Variants in CTNNA3 observed in about 807,000 individuals in gnomAD.
CTNNA3 encodes catenin alpha-3.
In CTNNA3, 76 loss-of-function variants were observed where a neutral mutation model predicts 95.7. That is an observed-to-expected ratio of 0.79 (90% confidence interval 0.66 to 0.96). The LOEUF (loss-of-function observed/expected upper bound fraction) is 0.96, where lower values mean the gene tolerates loss of function less well. Among genes scored for constraint, CTNNA3 ranks in the 40% least tolerant of loss-of-function variants. The pLI, the probability that CTNNA3 is intolerant of heterozygous loss-of-function variation, is 0.00. For synonymous variants in CTNNA3, 431 were observed against 374.4 expected (o/e 1.15, Z -1.74); for missense variants, 1,191 against 1,089.8 (o/e 1.09, Z -1.31).
chr10:66,840,751 T>G (rs530695851), intron 7 of CTNNA3, among the ~76,000 whole-genome samples: 1 of 152,038 alleles, frequency 6.6e-6, no homozygotes, highest in Admixed American at 6.6e-5. Flanking sequence ...TTAAGATACA[T>G]CTTCAATTTC....
At chr10:66,691,533 G>A (rs1321985703) in intron 9 of CTNNA3, among the ~76,000 whole-genome samples, 1 of 151,956 alleles carries the variant, frequency 6.6e-6, no homozygotes, top group East Asian at 1.9e-4. Flanking sequence ...TGGGGGCAGG[G>A]CACAGACAAA....
chr10:67,509,440 T>C (rs972274685), intron 5 of CTNNA3, among the ~76,000 whole-genome samples: 2 of 152,038 alleles, frequency 1.3e-5, no homozygotes, highest in Non-Finnish European at 1.5e-5. Flanking sequence ...GAACATGTGG[T>C]GTTTGGTTTT....
In CTNNA3 at chr10:65,915,975, C is replaced by T. The variant is rs973784162; in HGVS notation, c.*4355G>A. On this transcript the variant is annotated 3_prime_UTR_variant, in exon 18 of 18. Transcript: ENST00000433211. Reference sequence around the variant, plus strand: ...TTTTAACTACAACTAGTTTTAATAGCATCCATGTTTTCTTTCCTAATTAAA... The same window carrying T: ...TTTTAACTACAACTAGTTTTAATAGTATCCATGTTTTCTTTCCTAATTAAA... 6.6e-6 allele frequency: 1 copy of T among 152,134 alleles called. No homozygotes were observed. 9.4% of individuals were successfully genotyped at this position (152,134 alleles called of 1,614,324 possible).
chr10:66,401,518 AAC>A (rs140986771), intron 11 of CTNNA3, among the ~76,000 whole-genome samples: 34,583 of 143,578 alleles, frequency 0.24, 4,673 homozygotes, highest in Non-Finnish European at 0.32. Context: ...TGTGTCTCAA[AAC>A]ACACACACAC....
chr10:66,339,170 C>A (rs2092427719), intron 12 of CTNNA3, among the ~76,000 whole-genome samples: 3 of 151,742 alleles, frequency 2.0e-5, no homozygotes, highest in South Asian at 4.1e-4. Flanking sequence ...ACACAGTGAG[C>A]AACACATGGT....
At position 66,910,572 on chromosome 10, in the gene CTNNA3, A is replaced by C. The variant is rs188615515; in HGVS notation, c.1048-135048T>G. Among the ~76,000 whole-genome samples, 600 of 152,320 alleles carry C rather than the reference A, an allele frequency of 3.9e-3. 2 individuals carry two copies. Among genetic ancestry groups the C allele is most frequent in the African/African-American group, 0.014 (567 of 41,570 alleles). On this transcript the variant is annotated intron_variant, in intron 7 of 17. Transcript: ENST00000433211. ...AGAAAACTATCAAAAGAATGAACTG[A>C]TTTTCAGTACAACTAAGACAGTCAC... is the stretch of plus-strand genomic sequence containing the variant.
At chr10:67,015,556 T>C (rs1852603315) in intron 7 of CTNNA3, 1 of 152,190 alleles carries the variant, frequency 6.6e-6, no homozygotes, top group Non-Finnish European at 1.5e-5. Context: ...ATGTAGCTGG[T>C]ATCTTTTCCA....
chr10:66,008,484 C>A (rs1383805215), intron 15 of CTNNA3, among the ~76,000 whole-genome samples: 1 of 152,174 alleles, frequency 6.6e-6, no homozygotes, highest in African/African-American at 2.4e-5. Flanking sequence ...TCACATTGAG[C>A]TTTTGGTGTC....
chr10:67,309,327 T>C (rs775150805), intron 5 of CTNNA3, among the ~76,000 whole-genome samples: 4 of 152,216 alleles, frequency 2.6e-5, no homozygotes, highest in South Asian at 2.1e-4. Context: ...TATGTCATCT[T>C]ACAGCAGCAT....
chr10:66,319,071 T>C (rs868082956), intron 12 of CTNNA3, among the ~76,000 whole-genome samples: 2 of 152,182 alleles, frequency 1.3e-5, no homozygotes, highest in Middle Eastern at 3.4e-3. Flanking sequence ...TGAATATAAA[T>C]CCACTTTTAT....
chr10:65,998,891 C>T (rs2078716951), intron 15 of CTNNA3, among the ~76,000 whole-genome samples: 2 of 152,058 alleles, frequency 1.3e-5, no homozygotes, highest in Admixed American at 6.5e-5. Context: ...AAACCTGAAC[C>T]TAAAATACTT....
intron 13 of CTNNA3, among the ~76,000 whole-genome samples, chr10:66,108,508 C>T (rs1422407161): frequency 6.6e-6 from 1 of 152,110 alleles, no homozygotes; most frequent in Non-Finnish European, 1.5e-5. Flanking sequence ...CTAAAGTTAA[C>T]CCTTTTCCCC....
At chr10:66,425,105 G>A (rs199732963) in intron 11 of CTNNA3, among the ~76,000 whole-genome samples, 2 of 58,674 alleles carry the variant, frequency 3.4e-5, no homozygotes, top group Admixed American at 1.7e-4. Context: ...AAAATATATT[G>A]TTATTTAAAA....
intron 7 of CTNNA3, among the ~76,000 whole-genome samples, chr10:66,919,890 T>C (rs916276113): frequency 1.6e-4 from 24 of 152,186 alleles, no homozygotes; most frequent in African/African-American, 5.5e-4. Flanking sequence ...TGATATATTG[T>C]TGGGTCACAA....
intron 10 of CTNNA3, among the ~76,000 whole-genome samples, chr10:66,587,884 C>T (rs1843414468): frequency 6.6e-6 from 1 of 152,184 alleles, no homozygotes; most frequent in Non-Finnish European, 1.5e-5. Context: ...AGCAGGAGTG[C>T]CCAGCTCCTG....
At chr10:66,322,444 C>T (rs962841099) in intron 12 of CTNNA3, among the ~76,000 whole-genome samples, 2 of 152,008 alleles carry the variant, frequency 1.3e-5, no homozygotes, top group Non-Finnish European at 2.9e-5. Context: ...TCATACTTAG[C>T]TGAAGAGACA....
chr10:66,049,504 AC>A (rs1398928260), intron 15 of CTNNA3, among the ~76,000 whole-genome samples: 1 of 152,198 alleles, frequency 6.6e-6, no homozygotes, highest in African/African-American at 2.4e-5. Flanking sequence ...TCATTGCAGC[AC>A]TATTTACAGT....
intron 11 of CTNNA3, among the ~76,000 whole-genome samples, chr10:66,383,797 T>C (rs1409516964): frequency 6.6e-6 from 1 of 152,206 alleles, no homozygotes; most frequent in Non-Finnish European, 1.5e-5. Context: ...ATATTCAACA[T>C]TCTTAAAGAA....
chr10:67,495,649 T>A (rs1339537871), intron 5 of CTNNA3, among the ~76,000 whole-genome samples: 1 of 152,030 alleles, frequency 6.6e-6, no homozygotes, highest in African/African-American at 2.4e-5. Flanking sequence ...ACAGAAGAGG[T>A]GACATGGAAG....
Sources: gnomAD v4.1 joint callset for allele counts (sites outside exome capture counted in the v4.1 genomes callset) on GRCh38, gnomAD v4.1.1 for gene constraint, MANE v1.5 for transcripts, NCBI Gene and HGNC (gene_info 2026-07-23, HGNC 2026-07-21) for gene names.